Variants in CDH18 observed in about 807,000 individuals in gnomAD.
CDH18 encodes cadherin 18, also known as cadherin-18.
A neutral mutation model predicts 67.9 loss-of-function variants in CDH18; 31 were observed. The ratio of observed to expected loss-of-function variants is 0.46; its 90% CI spans 0.34 to 0.62. The LOEUF is 0.62. Among genes scored for constraint, CDH18 ranks in the 20% least tolerant of loss-of-function variants. CDH18 has a pLI of 0.01. For missense variants in CDH18, 890 were observed against 975.5 expected, an observed-to-expected ratio of 0.91 and a Z score of 1.17; for synonymous variants, 362 against 347.2, an observed-to-expected ratio of 1.04 and a Z score of -0.48.
At chr5:19,826,507 T>G (rs1780416810) in intron 3 of CDH18, among the ~76,000 whole-genome samples, 1 of 152,198 alleles carries the variant, frequency 6.6e-6, no homozygotes, top group Middle Eastern at 3.4e-3. Context: ...AAAGGGAAAC[T>G]CATCAGGCTA....
At chr5:19,747,372 T>A in intron 3 of CDH18, 136 bp from the exon 4 acceptor site, 1 of 651,760 alleles carries the variant, frequency 1.5e-6, no homozygotes, top group Non-Finnish European at 2.5e-6. Context: ...GTTACTACTA[T>A]CATTTGCTTT....
intron 2 of CDH18, among the ~76,000 whole-genome samples, chr5:20,095,439 G>GAAAGAAAGA (rs1745867745): frequency 4.2e-5 from 5 of 117,708 alleles, no homozygotes; most frequent in Admixed American, 1.0e-4. Context: ...AAGAAAGAAA[G>GAAAGAAAGA]AAAGAAAAGA....
chr5:20,501,503 ATT>A lies in CDH18; in HGVS notation c.-580+73957_-580+73958del, dbSNP rs559969247. On this transcript the variant is annotated intron_variant, in intron 1 of 14. Transcript: ENST00000507958. ...CATATTATATATATTTTATATACATATTTTATATATATTATATACATATTATA... is the reference window on the plus strand; with the variant it reads ...CATATTATATATATTTTATATACATATTATATATATTATATACATATTATA... Among the ~76,000 whole-genome samples the A allele has an allele frequency of 4.5e-4, 12 of 26,764 alleles. 1 individual carries two copies. Among genetic ancestry groups the A allele is most frequent in the African/African-American group, 1.1e-3 (10 of 9,252 alleles). 17.6% of individuals were successfully genotyped at this position (26,764 alleles called of 152,430 possible).
intron 1 of CDH18, among the ~76,000 whole-genome samples, chr5:20,255,791 T>C (rs1303435212): frequency 3.9e-5 from 6 of 152,188 alleles, no homozygotes; most frequent in African/African-American, 1.2e-4. Flanking sequence ...TGTCACGACA[T>C]AAAGAAGTTT....
chr5:20,347,240 A>G (rs780108927), intron 1 of CDH18, among the ~76,000 whole-genome samples: 1 of 152,146 alleles, frequency 6.6e-6, no homozygotes. Flanking sequence ...CCTAGAGGTC[A>G]TCAAATTTTA....
rs146810245 is a variant in CDH18 at position 19,710,243 on chromosome 5, TAA to T, written c.643+11102_643+11103del. 7.6e-3 allele frequency among the ~76,000 whole-genome samples: 1,161 copies of T among 152,272 alleles called. 15 individuals carry two copies. The highest frequency in any genetic ancestry group is 0.026 in the African/African-American group (1,100 of 41,562). ...ATGGGAATATTTTTGAGAAATAAAA[TAA>T]GACAATTAAAAAACCATGAGCATTA... On this transcript the variant is annotated intron_variant, in intron 5 of 12. Coordinates refer to ENST00000382275, the MANE Select transcript of CDH18 (RefSeq NM_004934.5).
intron 7 of CDH18, among the ~76,000 whole-genome samples, chr5:19,572,486 A>G (rs1021890757): frequency 6.6e-6 from 1 of 152,198 alleles, no homozygotes; most frequent in Non-Finnish European, 1.5e-5. Context: ...TGTCCTTTAC[A>G]TTAAGGGTCA....
At chr5:20,394,947 T>C (rs1477995762) in intron 1 of CDH18, among the ~76,000 whole-genome samples, 6 of 151,920 alleles carry the variant, frequency 3.9e-5, no homozygotes, top group African/African-American at 1.2e-4. Context: ...TAAATAAATA[T>C]AGGCATGGAT....
chr5:19,724,852 T>C (rs1422687750), intron 4 of CDH18, among the ~76,000 whole-genome samples: 1 of 152,052 alleles, frequency 6.6e-6, no homozygotes, highest in African/African-American at 2.4e-5. Flanking sequence ...CACCACAAAC[T>C]GTCCTGAGCT....
At chr5:20,340,909 C>A (rs1455771556) in intron 1 of CDH18, among the ~76,000 whole-genome samples, 1 of 152,222 alleles carries the variant, frequency 6.6e-6, no homozygotes, top group East Asian at 1.9e-4. Flanking sequence ...GAAAGCCCAA[C>A]TGCTTTGCTA....
intron 3 of CDH18, among the ~76,000 whole-genome samples, chr5:19,759,739 G>GTC (rs1336210592): frequency 6.6e-6 from 1 of 152,086 alleles, no homozygotes; most frequent in Non-Finnish European, 1.5e-5. Context: ...TAAAAGGCTG[G>GTC]AGGCCTCCTT....
At position 19,960,589 on chromosome 5, in the gene CDH18, G is replaced by A. The variant is rs7720929; in HGVS notation, c.-257+20471C>T. Among the ~76,000 whole-genome samples the A allele has an allele frequency of 2.2e-3, 187 of 85,048 alleles. 2 individuals are homozygous for A. Among genetic ancestry groups the A allele is most frequent in the African/African-American group, 4.8e-3 (78 of 16,140 alleles). The allele number at this position is 85,048 out of a possible 152,430, so 55.8% of individuals were successfully genotyped here. A position where few individuals can be genotyped will look rare whatever the true frequency, so the allele number is the denominator to read the frequency against. On this transcript the variant is annotated intron_variant, in intron 2 of 12. Coordinates refer to ENST00000382275, the MANE Select transcript of CDH18 (RefSeq NM_004934.5). ...TGTGTGTGTGTGTGTGTGTGTGTGT[G>A]TATATATATATATACACACACGTGT...
intron 6 of CDH18, among the ~76,000 whole-genome samples, chr5:19,595,892 G>A (rs992413097): frequency 6.6e-6 from 1 of 152,192 alleles, no homozygotes; most frequent in African/African-American, 2.4e-5. Context: ...ATCTTTTCCT[G>A]TGTAAAACAC....
At chr5:19,592,239 A>G (rs1745269717) in intron 6 of CDH18, among the ~76,000 whole-genome samples, 1 of 152,016 alleles carries the variant, frequency 6.6e-6, no homozygotes, top group Non-Finnish European at 1.5e-5. Context: ...ATTTTAAAGC[A>G]CTGTTAATTT....
At chr5:20,467,631 C>T (rs997566969) in intron 1 of CDH18, among the ~76,000 whole-genome samples, 1 of 152,098 alleles carries the variant, frequency 6.6e-6, no homozygotes, top group Non-Finnish European at 1.5e-5. Flanking sequence ...GACTTTTTCA[C>T]CACTGTACCA....
chr5:19,809,992 CTG>C (rs1319974208), intron 3 of CDH18, among the ~76,000 whole-genome samples: 1 of 152,022 alleles, frequency 6.6e-6, no homozygotes, highest in Non-Finnish European at 1.5e-5. Context: ...TTGAAAAAGA[CTG>C]TTATTTATGT....
At chr5:20,145,679 C>G (rs1278591422) in intron 2 of CDH18, among the ~76,000 whole-genome samples, 1 of 152,130 alleles carries the variant, frequency 6.6e-6, no homozygotes, top group African/African-American at 2.4e-5. Context: ...CCATCATAAT[C>G]TGTAATTTAC....
At chr5:20,352,183 G>GT (rs1039418476) in intron 1 of CDH18, among the ~76,000 whole-genome samples, 2 of 152,150 alleles carry the variant, frequency 1.3e-5, no homozygotes, top group African/African-American at 4.8e-5. Context: ...CTCTGAGACA[G>GT]TAAGACCAAC....
intron 4 of CDH18, among the ~76,000 whole-genome samples, chr5:19,730,787 A>G (rs575356492): frequency 1.3e-5 from 2 of 150,482 alleles, no homozygotes; most frequent in Non-Finnish European, 3.0e-5. Context: ...AAAAGCATGC[A>G]ATTAATGCAG....
Sources: gnomAD v4.1 joint callset for allele counts (sites outside exome capture counted in the v4.1 genomes callset) on GRCh38, gnomAD v4.1.1 for gene constraint, MANE v1.5 for transcripts, NCBI Gene and HGNC (gene_info 2026-07-23, HGNC 2026-07-21) for gene names.